Variants in COL13A1 observed in about 807,000 individuals in gnomAD.
COL13A1 encodes collagen alpha-1(XIII) chain.
A neutral mutation model predicts 130.9 loss-of-function variants in COL13A1; 89 were observed. The ratio of observed to expected loss-of-function variants is 0.68; its 90% confidence interval spans 0.57 to 0.81. COL13A1 has a LOEUF of 0.81. Among genes scored for constraint, COL13A1 ranks in the 30% least tolerant of loss-of-function variants. The probability of loss-of-function intolerance (pLI) is 0.00; values close to 1 mark genes in which losing one functional copy is unlikely to be tolerated. For missense variants in COL13A1, 879 were observed against 934.6 expected (o/e 0.94, Z 0.78); for synonymous variants, 402 against 341.6 (o/e 1.18, Z -1.95).
At position 69,924,998 on chromosome 10, in the gene COL13A1, T is replaced by C. The variant is rs765128896; in HGVS notation, c.1320T>C (p.Asp440=). 1.9e-6 allele frequency: 3 copies of C among 1,589,696 alleles called. No individual in the cohort carries two copies. The highest frequency in any genetic ancestry group is 2.7e-5 in the African/African-American group (2 of 74,170). ...ERGAAGEQGP[D]GPKGSKGEPG... is the part of the protein sequence containing the mutation. ...GAGCAGCTGGAGAACAGGGACCAGATGGCCCCAAGGTATGTGCCTCTCCCT... is the reference window on the plus strand; with the variant it reads ...GAGCAGCTGGAGAACAGGGACCAGACGGCCCCAAGGTATGTGCCTCTCCCT... Residue 440 remains aspartate, a synonymous_variant, in exon 25 of 41, where the codon GAT becomes GAC. Coordinates refer to ENST00000645393, the MANE Select transcript of COL13A1 (RefSeq NM_001368882.1).
chr10:69,918,993 CA>C, intron 19 of COL13A1, 68 bp from the exon 20 acceptor site: 2 of 1,602,126 alleles, frequency 1.2e-6, no homozygotes, highest in South Asian at 2.2e-5. Context: ...CCACCTCCAC[CA>C]ACAGGTGCCT....
At chr10:69,875,050 A>G (rs971425196) in intron 4 of COL13A1, 78 bp from the exon 5 acceptor site, 74 of 1,586,930 alleles carry the variant, frequency 4.7e-5, no homozygotes, top group Non-Finnish European at 6.3e-5. Flanking sequence ...AATCAGGTGC[A>G]CAGTTTGCCT....
intron 3 of COL13A1, among the ~76,000 whole-genome samples, chr10:69,868,339 G>A (rs1400642062): frequency 1.3e-5 from 2 of 152,158 alleles, no homozygotes; most frequent in Non-Finnish European, 2.9e-5. Context: ...GTAAGAGAGA[G>A]CGGTGTCAGC....
chr10:69,946,912 A>G (rs1177659179), intron 37 of COL13A1, among the ~76,000 whole-genome samples: 2 of 152,102 alleles, frequency 1.3e-5, no homozygotes, highest in Admixed American at 6.6e-5. Context: ...CTCAGCCTCC[A>G]GCGTAGCTCA....
intron 6 of COL13A1, among the ~76,000 whole-genome samples, chr10:69,878,348 G>A (rs929991688): frequency 5.3e-5 from 8 of 152,282 alleles, no homozygotes; most frequent in African/African-American, 1.9e-4. Flanking sequence ...CTGGCCAATC[G>A]CTATTTTGTG....
intron 5 of COL13A1, among the ~76,000 whole-genome samples, chr10:69,876,197 T>A (rs1221596605): frequency 6.6e-6 from 1 of 152,208 alleles, no homozygotes; most frequent in Non-Finnish European, 1.5e-5. Context: ...CCACCCCTAC[T>A]CTTCCGATGA....
chr10:69,904,576 C>T (rs145485507), intron 15 of COL13A1, among the ~76,000 whole-genome samples: 148 of 152,288 alleles, frequency 9.7e-4, no homozygotes, highest in African/African-American at 3.0e-3. Context: ...TGGGCAAGGC[C>T]GGCTTTCTAG....
chr10:69,852,498 A>G (rs961239012), intron 2 of COL13A1, among the ~76,000 whole-genome samples: 1 of 152,246 alleles, frequency 6.6e-6, no homozygotes, highest in Non-Finnish European at 1.5e-5. Flanking sequence ...CTGCTAGAAG[A>G]TGTCTTTTCT....
chr10:69,837,820 A>G (rs925499849), intron 2 of COL13A1, among the ~76,000 whole-genome samples: 52 of 152,094 alleles, frequency 3.4e-4, no homozygotes, highest in Admixed American at 2.4e-3. Flanking sequence ...AAGAAGACAG[A>G]TTTCATTATC....
chr10:69,956,582 A>G (rs2136444720), intron 39 of COL13A1: 1 of 181,914 alleles, frequency 5.5e-6, no homozygotes, highest in East Asian at 1.2e-4. Flanking sequence ...GAAGGCTGGG[A>G]AGGCCCTTAG....
intron 32 of COL13A1, among the ~76,000 whole-genome samples, chr10:69,936,165 GAAGGAAGGAAGGAAAGGA>G (rs2066879937): frequency 5.3e-4 from 16 of 29,984 alleles, no homozygotes; most frequent in Middle Eastern, 0.029. Context: ...AGGAAGGAAG[GAAGGAAGGAAGGAAAGGA>G]AAGGAAGGAA....
chr10:69,923,730 C>A (rs1589546779), intron 23 of COL13A1, 72 bp from the exon 24 acceptor site: 1 of 1,550,306 alleles, frequency 6.5e-7, no homozygotes, highest in East Asian at 2.4e-5. Context: ...AGCGGCAAGA[C>A]CATCTTTTCC....
chr10:69,857,152 C>G (rs1369401473), intron 2 of COL13A1, among the ~76,000 whole-genome samples: 1 of 152,214 alleles, frequency 6.6e-6, no homozygotes, highest in Admixed American at 6.5e-5. Flanking sequence ...CCAGCAAGAC[C>G]TACCCCCAAG....
At chr10:69,838,775 G>T (rs1404671755) in intron 2 of COL13A1, among the ~76,000 whole-genome samples, 1 of 152,220 alleles carries the variant, frequency 6.6e-6, no homozygotes, top group Non-Finnish European at 1.5e-5. Flanking sequence ...TTGTACAAAG[G>T]GTTCAGATCC....
chr10:69,898,671 GC>G, intron 13 of COL13A1, 25 bp from the exon 14 acceptor site: 1 of 1,607,478 alleles, frequency 6.2e-7, no homozygotes, highest in South Asian at 1.1e-5. Flanking sequence ...TTGCCCTCTG[GC>G]CCTCCAACTC....
intron 8 of COL13A1, among the ~76,000 whole-genome samples, chr10:69,888,034 T>A (rs2060772263): frequency 1.3e-5 from 2 of 152,252 alleles, no homozygotes; most frequent in South Asian, 4.1e-4. Context: ...AAGGGTGAGG[T>A]CCTTGACATT....
intron 34 of COL13A1, among the ~76,000 whole-genome samples, chr10:69,940,699 G>A (rs573332490): frequency 4.2e-4 from 64 of 152,286 alleles, no homozygotes; most frequent in Non-Finnish European, 7.8e-4. Context: ...GGGAATAAAG[G>A]GAGAGAGGAG....
chr10:69,897,303 CG>C (rs1330799850), intron 13 of COL13A1, among the ~76,000 whole-genome samples: 1 of 152,026 alleles, frequency 6.6e-6, no homozygotes, highest in African/African-American at 2.4e-5. Context: ...TGGCAGGTCT[CG>C]GGGCCTGGAA....
At chr10:69,953,764 C>CAGAGCACAAAG (rs1344135346) in intron 39 of COL13A1, among the ~76,000 whole-genome samples, 1 of 152,152 alleles carries the variant, frequency 6.6e-6, no homozygotes, top group Admixed American at 6.5e-5. Flanking sequence ...CTGAACTCTC[C>CAGAGCACAAAG]AGAGCACAAA....
Sources: gnomAD v4.1 joint callset for allele counts (sites outside exome capture counted in the v4.1 genomes callset) on GRCh38, gnomAD v4.1.1 for gene constraint, MANE v1.5 for transcripts, NCBI Gene and HGNC (gene_info 2026-07-23, HGNC 2026-07-21) for gene names.